PRR5: variants seen among roughly 807,000 people sequenced by gnomAD.
The protein encoded by PRR5 is proline rich 5.
In PRR5, 25 loss-of-function variants were observed where a neutral mutation model predicts 30.6. The ratio of observed to expected loss-of-function variants is 0.82; its 90% CI spans 0.60 to 1.14. The LOEUF (loss-of-function observed/expected upper bound fraction) is 1.14. Ranked by LOEUF, PRR5 falls within the 50% of genes most tolerant of loss-of-function variation. PRR5 has a pLI of 0.00. For synonymous variants in PRR5, 286 were observed against 247.1 expected (o/e 1.16, Z -1.48); for missense variants, 600 against 547.1 (o/e 1.10, Z -0.96).
In PRR5 at chr22:44,735,117, G is replaced by A. The variant is rs147509749; in HGVS notation, c.646G>A (p.Gly216Ser). The A allele has an allele frequency of 3.6e-4, 583 of 1,612,982 alleles. No homozygotes were observed. In the African/African-American group the frequency reaches 6.3e-3, roughly 17 times the overall value. ...KVVSPYLGTY[G>S]LHSSEGPFTH... ...GGTGTCGCCATACCTGGGCACCTAC[G>A]GCCTCCACTCCAGCGAGGGGCCCTT... The change falls in exon 7 of 8, where the codon GGC becomes AGC. Residue 216 changes from glycine (G) to serine (S), a missense_variant. Physicochemically the swap from Gly to Ser is moderately conservative, Grantham distance 56 (BLOSUM62 0). Transcript: ENST00000336985.
At chr22:44,695,063 C>G (rs528674878) in intron 1 of PRR5, among the ~76,000 whole-genome samples, 2 of 152,068 alleles carry the variant, frequency 1.3e-5, no homozygotes, top group Admixed American at 6.6e-5. Flanking sequence ...CCCAGCTACT[C>G]AGGGGACTGA....
At chr22:44,678,911 G>A (rs952495857) in intron 1 of PRR5, among the ~76,000 whole-genome samples, 5 of 152,216 alleles carry the variant, frequency 3.3e-5, no homozygotes, top group East Asian at 1.9e-4. Flanking sequence ...ACGAGTGAGC[G>A]ACAGACATCA....
At chr22:44,733,546 G>T (rs1005051757) in intron 6 of PRR5, among the ~76,000 whole-genome samples, 8 of 152,206 alleles carry the variant, frequency 5.3e-5, no homozygotes, top group Non-Finnish European at 2.9e-5. Context: ...CTGGGTGGAA[G>T]TTGAGAGAGT....
chr22:44,683,970 C>T (rs1475691004), intron 1 of PRR5, among the ~76,000 whole-genome samples: 1 of 152,250 alleles, frequency 6.6e-6, no homozygotes, highest in African/African-American at 2.4e-5. Flanking sequence ...CTGGGCCCCT[C>T]GCAGGGGTTG....
intron 1 of PRR5, among the ~76,000 whole-genome samples, chr22:44,690,909 G>T (rs1169033748): frequency 6.6e-6 from 1 of 152,102 alleles, no homozygotes; most frequent in Non-Finnish European, 1.5e-5. Flanking sequence ...GGAAGGAGTG[G>T]AAGACTGTGC....
At chr22:44,696,897 C>T (rs535228128) in intron 1 of PRR5, among the ~76,000 whole-genome samples, 4 of 152,098 alleles carry the variant, frequency 2.6e-5, no homozygotes, top group South Asian at 2.1e-4. Context: ...CCACCATATC[C>T]GGCTAATTTT....
Position 44,737,573 on chromosome 22 carries a change from G to T in PRR5, c.*326G>T. The T allele has an allele frequency of 3.1e-6, 1 of 326,346 alleles. No homozygotes were observed. Among genetic ancestry groups the T allele is most frequent in the Non-Finnish European group, 5.6e-6 (1 of 179,146 alleles). The allele number at this position is 326,346 out of a possible 1,614,324, so 20.2% of individuals were successfully genotyped here. A position where few individuals can be genotyped will look rare whatever the true frequency, so the allele number is the denominator to read the frequency against. ...CCCACAGAGAATGTAAACCCAGTGG[G>T]CTCTGCCCACGCCGGGCCCCAAAGT... On this transcript the variant is annotated 3_prime_UTR_variant, in exon 8 of 8. Transcript: ENST00000336985.
intron 4 of PRR5, chr22:44,730,090 AG>A: frequency 1.0e-6 from 1 of 985,398 alleles, no homozygotes; most frequent in Non-Finnish European, 1.2e-6. Context: ...GCTCGGCCCC[AG>A]CCCCCAGGGC....
intron 7 of PRR5, among the ~76,000 whole-genome samples, chr22:44,735,634 G>C (rs1602107094): frequency 6.6e-6 from 1 of 152,168 alleles, no homozygotes; most frequent in Admixed American, 6.5e-5. Flanking sequence ...AGGGCCTCTG[G>C]GTTCCTTCAG....
chr22:44,732,605 G>T (rs1922233035), intron 6 of PRR5, among the ~76,000 whole-genome samples: 2 of 152,162 alleles, frequency 1.3e-5, no homozygotes, highest in South Asian at 4.1e-4. Context: ...TTCCTCTTGG[G>T]CACAGGGCTG....
chr22:44,725,573 T>G (rs1920929891), intron 3 of PRR5, among the ~76,000 whole-genome samples: 1 of 151,824 alleles, frequency 6.6e-6, no homozygotes, highest in African/African-American at 2.4e-5. Context: ...TGGCTTCAAG[T>G]GATTCTCACA....
intron 1 of PRR5, 110 bp downstream of exon 1, chr22:44,702,718 G>C (rs960229341): frequency 3.3e-6 from 4 of 1,219,564 alleles, no homozygotes. Context: ...GCCGAAGGCG[G>C]CGCGGCGCTT....
intron 1 of PRR5, among the ~76,000 whole-genome samples, chr22:44,669,032 T>C (rs1036775467): frequency 1.3e-5 from 2 of 151,352 alleles, no homozygotes; most frequent in African/African-American, 4.8e-5. Context: ...GGCGGCCCCC[T>C]TGGGTGAAGG....
intron 4 of PRR5, 134 bp from the exon 5 acceptor site, chr22:44,731,596 G>C: frequency 1.3e-6 from 1 of 791,564 alleles, no homozygotes; most frequent in Non-Finnish European, 2.2e-6. Context: ...GCTGGACATC[G>C]ACCTTGGGCA....
In PRR5 at chr22:44,737,185, C is replaced by G; in HGVS notation, c.1105C>G (p.Arg369Gly). The G allele has an allele frequency of 6.2e-7, 1 of 1,612,348 alleles. No individual in the cohort carries two copies. The highest frequency in any genetic ancestry group is 8.5e-7 in the Non-Finnish European group (1 of 1,179,706). ...TGAAGGGATTTTCATTGACTTTGGC[C>G]GGGGCCGGGGCTCTGGCATGTCCGA... Reference protein sequence around the residue: ...DSEGIFIDFGRGRGSGMSDLE... With the variant: ...DSEGIFIDFGGGRGSGMSDLE... The change falls in exon 8 of 8, where the codon CGG becomes GGG. Residue 369 changes from arginine (R) to glycine (G), a missense_variant. Transcript: ENST00000336985.
At chr22:44,720,674 A>G (rs1929793097) in intron 2 of PRR5, among the ~76,000 whole-genome samples, 2 of 152,044 alleles carry the variant, frequency 1.3e-5, no homozygotes, top group South Asian at 4.1e-4. Context: ...TGAACTGGCC[A>G]CTCATCCTCA....
chr22:44,686,253 CAAAAA>C (rs1228120355), intron 1 of PRR5, among the ~76,000 whole-genome samples: 2 of 141,182 alleles, frequency 1.4e-5, no homozygotes, highest in Non-Finnish European at 3.2e-5. Flanking sequence ...TGTCTCAAAA[CAAAAA>C]GAAAAGAAAA....
chr22:44,710,948 G>C (rs1327177535), intron 1 of PRR5, among the ~76,000 whole-genome samples: 3 of 152,172 alleles, frequency 2.0e-5, no homozygotes, highest in African/African-American at 7.2e-5. Context: ...ACTGTACTGA[G>C]AAGTCCATTT....
intron 2 of PRR5, among the ~76,000 whole-genome samples, chr22:44,718,212 T>TTTTTTTTTA (rs57024188): frequency 1.3e-5 from 2 of 148,836 alleles, no homozygotes; most frequent in African/African-American, 2.5e-5. Flanking sequence ...TTTTTTTTTT[T>TTTTTTTTTA]GAGACTGAGT....
Sources: allele counts gnomAD v4.1 joint callset (sites outside exome capture counted in the v4.1 genomes callset), GRCh38; gene constraint gnomAD v4.1.1; transcripts MANE v1.5; gene names NCBI Gene and HGNC (gene_info 2026-07-23, HGNC 2026-07-21).